CTCF: variants seen among roughly 807,000 people sequenced by gnomAD.
The protein encoded by CTCF is CCCTC-binding factor.
In CTCF, 7 loss-of-function variants were observed where a neutral mutation model predicts 72.3. That is an observed-to-expected ratio of 0.10 (90% CI 0.06 to 0.18). The LOEUF is 0.18. CTCF is among the 10% of genes least tolerant of loss of function. The probability of loss-of-function intolerance (pLI) is 1.00; values close to 1 mark genes in which losing one functional copy is unlikely to be tolerated. For synonymous variants in CTCF, 374 were observed against 315.8 expected, an observed-to-expected ratio of 1.18 and a Z score of -1.95; for missense variants, 516 against 949.1, an observed-to-expected ratio of 0.54 and a Z score of 6.00.
chr16:67,602,143 C>T (rs997445358), intron 2 of CTCF, among the ~76,000 whole-genome samples: 5 of 152,110 alleles, frequency 3.3e-5, no homozygotes, highest in Non-Finnish European at 7.4e-5. Context: ...GGATTACAGG[C>T]GTGAGCCACT....
intron 2 of CTCF, among the ~76,000 whole-genome samples, chr16:67,604,734 T>G (rs1230489314): frequency 1.4e-5 from 2 of 142,928 alleles, no homozygotes; most frequent in Non-Finnish European, 3.0e-5. Context: ...ACCAGGGTTT[T>G]TTTTTTTTTT....
chr16:67,588,944 G>A (rs184572119), intron 2 of CTCF, among the ~76,000 whole-genome samples: 129 of 152,112 alleles, frequency 8.5e-4, no homozygotes, highest in Admixed American at 5.5e-3. Flanking sequence ...ACCCGCCTTG[G>A]CCTCCCAACA....
intron 10 of CTCF, among the ~76,000 whole-genome samples, chr16:67,632,208 C>T (rs796594293): frequency 1.6e-4 from 25 of 152,228 alleles, no homozygotes; most frequent in African/African-American, 5.3e-4. Context: ...TTCTTAGTTG[C>T]AAAGCCGCCT....
chr16:67,607,491 A>C (rs1364986637), intron 2 of CTCF, among the ~76,000 whole-genome samples: 1 of 151,388 alleles, frequency 6.6e-6, no homozygotes, highest in Admixed American at 6.6e-5. Context: ...TTTTTAGTAG[A>C]GATGGGGTTT....
At chr16:67,564,809 T>G (rs1179829667) in intron 1 of CTCF, among the ~76,000 whole-genome samples, 3 of 152,204 alleles carry the variant, frequency 2.0e-5, no homozygotes, top group Admixed American at 6.5e-5. Context: ...TTGGTTTGGT[T>G]GTTTCATATG....
At chr16:67,578,723 G>A (rs1327346815) in intron 2 of CTCF, among the ~76,000 whole-genome samples, 6 of 151,258 alleles carry the variant, frequency 4.0e-5, no homozygotes, top group African/African-American at 1.2e-4. Context: ...CGAGGCAGGC[G>A]GATCACCTGA....
At chr16:67,594,977 A>G (rs1041439704) in intron 2 of CTCF, among the ~76,000 whole-genome samples, 1 of 152,174 alleles carries the variant, frequency 6.6e-6, no homozygotes, top group Non-Finnish European at 1.5e-5. Context: ...ACTGATATAG[A>G]AGATGCCCAG....
chr16:67,570,202 G>C (rs1054469382), intron 1 of CTCF, among the ~76,000 whole-genome samples: 1 of 147,816 alleles, frequency 6.8e-6, no homozygotes, highest in Non-Finnish European at 1.5e-5. Flanking sequence ...TCAGTCTCCT[G>C]AGTAGCTGGG....
chr16:67,618,343 A>G (rs1029384307), intron 5 of CTCF, among the ~76,000 whole-genome samples: 3 of 152,214 alleles, frequency 2.0e-5, no homozygotes, highest in Non-Finnish European at 4.4e-5. Flanking sequence ...TGAAGGTTGC[A>G]TTGAGGCAAG....
At chr16:67,586,928 G>A (rs1429641825) in intron 2 of CTCF, among the ~76,000 whole-genome samples, 1 of 151,848 alleles carries the variant, frequency 6.6e-6, no homozygotes, top group African/African-American at 2.4e-5. Flanking sequence ...TGAGTAGCTG[G>A]GACTACAGGC....
chr16:67,585,408 A>C (rs1440896740), intron 2 of CTCF, among the ~76,000 whole-genome samples: 1 of 152,214 alleles, frequency 6.6e-6, no homozygotes, highest in East Asian at 1.9e-4. Context: ...TACCAACTTT[A>C]AAAAAGTTTG....
At chr16:67,615,710 G>A (rs2052123574) in intron 4 of CTCF, 1 of 152,158 alleles carries the variant, frequency 6.6e-6, no homozygotes, top group Non-Finnish European at 1.5e-5. Flanking sequence ...ACTTTCACAG[G>A]AAGAACTCTG....
intron 2 of CTCF, among the ~76,000 whole-genome samples, chr16:67,593,391 G>A (rs1371932421): frequency 6.6e-6 from 1 of 151,914 alleles, no homozygotes; most frequent in Non-Finnish European, 1.5e-5. Flanking sequence ...TTATGTTTAT[G>A]TCCATGTGTA....
At position 67,567,735 on chromosome 16, in the gene CTCF, C is replaced by G. The variant is rs192233131; in HGVS notation, c.-126-3413C>G. ...CCTCCCAAGTAGCTGGTACTATAGG[C>G]GTGTGCCACCATGCCCAGCTGATTC... On this transcript the variant is annotated intron_variant, in intron 1 of 11. Coordinates refer to ENST00000264010, the MANE Select transcript of CTCF (RefSeq NM_006565.4). 7.3e-5 allele frequency among the ~76,000 whole-genome samples: 11 copies of G among 151,318 alleles called. No homozygotes were observed. The East Asian group carries it at 2.1e-3, about 30-fold the overall frequency.
At chr16:67,563,172 T>C (rs2051300816) in intron 1 of CTCF, 1 of 152,200 alleles carries the variant, frequency 6.6e-6, no homozygotes, top group Non-Finnish European at 1.5e-5. Context: ...CCCGCCTAGC[T>C]TAAGGGTTCG....
chr16:67,621,380 T>G, intron 6 of CTCF, 62 bp from the exon 7 acceptor site: 1 of 1,273,046 alleles, frequency 7.9e-7, no homozygotes. Flanking sequence ...TGAGTTACCC[T>G]CCAGTTAAAT....
At chr16:67,610,652 C>G in intron 2 of CTCF, 172 bp from the exon 3 acceptor site, 1 of 376,902 alleles carries the variant, frequency 2.7e-6, no homozygotes. Context: ...CTGCACCTGG[C>G]CAGTAGTGGT....
Position 67,632,765 on chromosome 16 carries a change from C to T in CTCF, c.1837+3232C>T, listed in dbSNP as rs142194306. ...GCATCTCTCGTTCTTGACACACTGC[C>T]ACCTATCTATATATTCCCCACGTTT... On this transcript the variant is annotated intron_variant, in intron 10 of 11. Coordinates refer to ENST00000264010, the MANE Select transcript of CTCF (RefSeq NM_006565.4). Among the ~76,000 whole-genome samples the T allele has an allele frequency of 2.0e-5, 3 of 152,310 alleles. No individual in the cohort carries two copies. In the East Asian group the frequency reaches 5.8e-4, roughly 29 times the overall value.
At chr16:67,618,917 A>G (rs1480114010) in intron 5 of CTCF, among the ~76,000 whole-genome samples, 2 of 152,262 alleles carry the variant, frequency 1.3e-5, no homozygotes, top group African/African-American at 4.8e-5. Flanking sequence ...AATGGCTAAG[A>G]AAAATTTGAA....
Sources: gnomAD v4.1 joint callset for allele counts (sites outside exome capture counted in the v4.1 genomes callset) on GRCh38, gnomAD v4.1.1 for gene constraint, MANE v1.5 for transcripts, NCBI Gene and HGNC (gene_info 2026-07-23, HGNC 2026-07-21) for gene names.